The following UBAP2 variants were observed in gnomAD, a reference collection of about 807,000 sequenced individuals.
The protein encoded by UBAP2 is ubiquitin associated protein 2, also known as ubiquitin-associated protein 2.
UBAP2 carries 75 observed loss-of-function variants against 139.6 expected under a neutral mutation model. The ratio of observed to expected loss-of-function variants is 0.54; its 90% CI spans 0.45 to 0.65. The LOEUF is 0.65. Ranked by LOEUF, UBAP2 falls within the 30% of genes least tolerant of loss-of-function variation. The probability of loss-of-function intolerance (pLI) is 0.00; values close to 1 mark genes in which losing one functional copy is unlikely to be tolerated. For synonymous variants in UBAP2, 526 were observed against 526.2 expected (o/e 1.00, Z 0.01); for missense variants, 1,368 against 1,369.6 (o/e 1.00, Z 0.02).
chr9:33,976,907 G>A (rs1828394379), intron 6 of UBAP2, among the ~76,000 whole-genome samples: 1 of 151,856 alleles, frequency 6.6e-6, no homozygotes, highest in Non-Finnish European at 1.5e-5. Flanking sequence ...AGCTATTAGG[G>A]AGGCTGAGGC....
chr9:33,954,267 T>TACACACACACACACACACAC (rs368965909), intron 11 of UBAP2, among the ~76,000 whole-genome samples: 97 of 101,662 alleles, frequency 9.5e-4, no homozygotes, highest in East Asian at 1.6e-3. Flanking sequence ...AGTGTGTGTA[T>TACACACACACACACACACAC]ATACACACAC....
At position 33,943,404 on chromosome 9, in the gene UBAP2, G is replaced by A. The variant is rs536186399; in HGVS notation, c.1715+16C>T. 3.1e-6 allele frequency: 5 copies of A among 1,613,168 alleles called. No individual in the cohort carries two copies. Among genetic ancestry groups the A allele is most frequent in the African/African-American group, 1.3e-5 (1 of 74,964 alleles). On this transcript the variant is annotated intron_variant, in intron 15 of 28. Transcript: ENST00000379238. Reference sequence around the variant, plus strand: ...AGGGTCTATTTTGCTTCATAACAAAGGACTAAATTCAGTACCTTAAAGACT... The same window carrying A: ...AGGGTCTATTTTGCTTCATAACAAAAGACTAAATTCAGTACCTTAAAGACT...
chr9:33,937,493 G>C (rs1187031815), intron 16 of UBAP2, among the ~76,000 whole-genome samples: 1 of 150,520 alleles, frequency 6.6e-6, no homozygotes, highest in Non-Finnish European at 1.5e-5. Flanking sequence ...TGTAGTTCTA[G>C]CTAGTCGGGA....
chr9:33,967,457 T>G lies in UBAP2; in HGVS notation c.680-3666A>C, dbSNP rs553149981. Among the ~76,000 whole-genome samples, 86 of 152,356 alleles carry G rather than the reference T, an allele frequency of 5.6e-4. 1 individual carries two copies. Among genetic ancestry groups the G allele is most frequent in the African/African-American group, 2.0e-3 (83 of 41,592 alleles). On this transcript the variant is annotated intron_variant, in intron 8 of 28. Transcript: ENST00000379238. Reference sequence around the variant, plus strand: ...AACACCTGCTGAAAGTTTACAGATATTCCTTATCTGATTAAGGAAATTCCT... The same window carrying G: ...AACACCTGCTGAAAGTTTACAGATAGTCCTTATCTGATTAAGGAAATTCCT...
intron 16 of UBAP2, among the ~76,000 whole-genome samples, chr9:33,938,670 C>T (rs1824810172): frequency 6.6e-6 from 1 of 151,758 alleles, no homozygotes; most frequent in South Asian, 2.1e-4. Context: ...GTGATGGGTG[C>T]CTGTAATCAC....
chr9:34,027,157 T>C (rs1191545350), intron 1 of UBAP2, among the ~76,000 whole-genome samples: 1 of 56,210 alleles, frequency 1.8e-5, no homozygotes. Flanking sequence ...CATTTATTCA[T>C]ACCTGCAGAA....
chr9:34,039,707 A>C (rs9696412), intron 1 of UBAP2, among the ~76,000 whole-genome samples: 8 of 151,670 alleles, frequency 5.3e-5, no homozygotes, highest in Non-Finnish European at 1.2e-4. Context: ...CAAACACTGC[A>C]GAAGGCCGCA....
At chr9:34,022,060 C>T (rs1020611650) in intron 1 of UBAP2, among the ~76,000 whole-genome samples, 5 of 152,198 alleles carry the variant, frequency 3.3e-5, no homozygotes, top group African/African-American at 7.2e-5. Flanking sequence ...GCCTGGCCAA[C>T]GTGGTGAAAC....
At chr9:33,986,128 C>G (rs1190381458) in intron 6 of UBAP2, among the ~76,000 whole-genome samples, 1 of 151,982 alleles carries the variant, frequency 6.6e-6, no homozygotes, top group Non-Finnish European at 1.5e-5. Flanking sequence ...TCTCGGCTCA[C>G]TGCAACCTCC....
In UBAP2 at chr9:34,017,196, GA is replaced by G; in HGVS notation, c.-41-8del. 2 of 1,339,026 alleles carry G rather than the reference GA, an allele frequency of 1.5e-6. No homozygotes were observed. Among genetic ancestry groups the G allele is most frequent in the Non-Finnish European group, 2.0e-6 (2 of 980,616 alleles). 82.9% of individuals were successfully genotyped at this position (1,339,026 alleles called of 1,614,324 possible). A position where few individuals can be genotyped will look rare whatever the true frequency, so the allele number is the denominator to read the frequency against. On this transcript the variant is annotated splice_region_variant and splice_polypyrimidine_tract_variant and intron_variant, in intron 1 of 28. Transcript: ENST00000379238. ...TATGTACAAAATAGAAAATCTGCAAGAAAGTAGGGATGGTAAGCAAAACAAT... is the reference window on the plus strand; with the variant it reads ...TATGTACAAAATAGAAAATCTGCAAGAAGTAGGGATGGTAAGCAAAACAAT...
chr9:33,951,816 A>G (rs561445852), intron 12 of UBAP2, among the ~76,000 whole-genome samples: 1 of 152,336 alleles, frequency 6.6e-6, no homozygotes, highest in East Asian at 1.9e-4. Flanking sequence ...TTATCAATTC[A>G]GTGGACACAC....
At chr9:33,972,638 G>A (rs567272235) in intron 7 of UBAP2, among the ~76,000 whole-genome samples, 6 of 150,968 alleles carry the variant, frequency 4.0e-5, no homozygotes, top group Admixed American at 2.6e-4. Flanking sequence ...TGTTTTAGAA[G>A]CAACAAAAAG....
chr9:33,965,976 G>A (rs1827417364), intron 8 of UBAP2, among the ~76,000 whole-genome samples: 1 of 151,310 alleles, frequency 6.6e-6, no homozygotes, highest in South Asian at 2.1e-4. Context: ...CGTGAACCCG[G>A]GAGGCAGAGC....
intron 11 of UBAP2, among the ~76,000 whole-genome samples, chr9:33,954,498 G>C (rs868021930): frequency 1.3e-5 from 2 of 151,978 alleles, no homozygotes; most frequent in Admixed American, 1.3e-4. Flanking sequence ...CAGATGCACC[G>C]TATTACCTAA....
chr9:34,016,303 GAAGAGGAGGAAGAGA>G (rs1824302462), intron 2 of UBAP2, among the ~76,000 whole-genome samples: 6 of 113,958 alleles, frequency 5.3e-5, no homozygotes, highest in Admixed American at 9.6e-5. Flanking sequence ...GGAAGAGGAG[GAAGAGGAGGAAGAGA>G]AGGAGGAAGA....
At chr9:33,985,981 A>T (rs1821175512) in intron 6 of UBAP2, among the ~76,000 whole-genome samples, 1 of 151,002 alleles carries the variant, frequency 6.6e-6, no homozygotes, top group Non-Finnish European at 1.5e-5. Context: ...AGATGATGCC[A>T]CTGCACTCCA....
intron 1 of UBAP2, among the ~76,000 whole-genome samples, chr9:34,041,919 G>C (rs1827128367): frequency 6.6e-6 from 1 of 151,880 alleles, no homozygotes; most frequent in African/African-American, 2.4e-5. Context: ...CAGCTATTTG[G>C]GAGGCTGAGG....
At chr9:33,923,742 C>A (rs747354172) in intron 24 of UBAP2, 53 bp downstream of exon 24, 2 of 1,584,616 alleles carry the variant, frequency 1.3e-6, no homozygotes, top group Admixed American at 1.7e-5. Context: ...CAGGTTTCCA[C>A]CTGCCAGCAA....
intron 4 of UBAP2, among the ~76,000 whole-genome samples, chr9:33,989,490 C>G: frequency 6.6e-6 from 1 of 152,170 alleles, no homozygotes; most frequent in Middle Eastern, 3.4e-3. Context: ...CGTGAGCCAC[C>G]GCGCCCGGCA....
Sources: allele counts gnomAD v4.1 joint callset (sites outside exome capture counted in the v4.1 genomes callset), GRCh38; gene constraint gnomAD v4.1.1; transcripts MANE v1.5; gene names NCBI Gene and HGNC (gene_info 2026-07-23, HGNC 2026-07-21).